The following RBMS3 variants were observed in gnomAD, a reference collection of about 807,000 sequenced individuals.
RBMS3 encodes the protein RNA binding motif single stranded interacting protein 3, also known as RNA-binding motif, single-stranded-interacting protein 3.
Under a neutral mutation model 66.8 loss-of-function variants are expected in RBMS3, and 27 were observed. The observed-to-expected ratio is 0.40, with a 90% CI of 0.30 to 0.56. The LOEUF (loss-of-function observed/expected upper bound fraction) is 0.56, where lower values mean the gene tolerates loss of function less well. Among genes scored for constraint, RBMS3 ranks in the 20% least tolerant of loss-of-function variants. The pLI is 0.40. For missense variants in RBMS3, 513 were observed against 549.5 expected, an observed-to-expected ratio of 0.93 and a Z score of 0.66; for synonymous variants, 188 against 183.0, an observed-to-expected ratio of 1.03 and a Z score of -0.22.
chr3:29,942,439 A>G (rs998662791), intron 11 of RBMS3, among the ~76,000 whole-genome samples: 1 of 151,680 alleles, frequency 6.6e-6, no homozygotes, highest in African/African-American at 2.4e-5. Flanking sequence ...AGGAAGATCA[A>G]CTAAGCCCAG....
chr3:29,300,819 C>T (rs761688929), intron 1 of RBMS3, among the ~76,000 whole-genome samples: 4 of 151,798 alleles, frequency 2.6e-5, no homozygotes, highest in South Asian at 4.2e-4. Flanking sequence ...TAGAAGGAAG[C>T]CATTGCAAGT....
intron 4 of RBMS3, chr3:29,697,135 C>A: frequency 2.0e-6 from 2 of 981,450 alleles, no homozygotes; most frequent in South Asian, 4.7e-5. Flanking sequence ...GTTTTTATTT[C>A]TTATACAGTA....
intron 4 of RBMS3, among the ~76,000 whole-genome samples, chr3:29,701,268 ACT>A (rs766589416): frequency 4.3e-4 from 66 of 151,740 alleles, no homozygotes; most frequent in Non-Finnish European, 8.4e-4. Flanking sequence ...TAAGAGCGAG[ACT>A]CTGTCTCAAA....
intron 1 of RBMS3, among the ~76,000 whole-genome samples, chr3:29,415,817 A>G (rs1490763045): frequency 1.3e-5 from 2 of 152,128 alleles, no homozygotes; most frequent in African/African-American, 2.4e-5. Flanking sequence ...AATTATCAGT[A>G]TACTGTATAT....
At chr3:29,753,988 C>T (rs1260376284) in intron 5 of RBMS3, among the ~76,000 whole-genome samples, 3 of 150,660 alleles carry the variant, frequency 2.0e-5, no homozygotes, top group African/African-American at 7.3e-5. Context: ...GACAGAGTCT[C>T]ATTCTGTCAC....
At chr3:29,420,452 T>C (rs2040665057) in intron 1 of RBMS3, among the ~76,000 whole-genome samples, 1 of 152,208 alleles carries the variant, frequency 6.6e-6, no homozygotes, top group Non-Finnish European at 1.5e-5. Flanking sequence ...GGTGGGATCC[T>C]AGAGCTGGCT....
intron 4 of RBMS3, among the ~76,000 whole-genome samples, chr3:29,735,773 T>C (rs540705726): frequency 1.3e-4 from 20 of 152,316 alleles, no homozygotes; most frequent in African/African-American, 4.1e-4. Context: ...GTGTTGTAAA[T>C]TGGCAATAAC....
intron 1 of RBMS3, among the ~76,000 whole-genome samples, chr3:29,406,002 TA>T (rs1464684331): frequency 6.6e-6 from 1 of 152,232 alleles, no homozygotes; most frequent in African/African-American, 2.4e-5. Context: ...TGTTACATTT[TA>T]AAGAACTAAC....
At chr3:29,935,719 A>G (rs1227732603) in intron 10 of RBMS3, among the ~76,000 whole-genome samples, 1 of 152,152 alleles carries the variant, frequency 6.6e-6, no homozygotes, top group African/African-American at 2.4e-5. Flanking sequence ...AAATAACAAG[A>G]AAATTAGAGA....
chr3:29,317,022 G>A (rs9831935), intron 1 of RBMS3, among the ~76,000 whole-genome samples: 131,102 of 151,702 alleles, frequency 0.86, 56,694 homozygotes, highest in South Asian at 0.93. Context: ...CTTGTGTGCT[G>A]GGTTTAGTTT....
chr3:29,870,431 C>G (rs993599709), intron 7 of RBMS3, among the ~76,000 whole-genome samples: 2 of 152,164 alleles, frequency 1.3e-5, no homozygotes, highest in Admixed American at 6.6e-5. Flanking sequence ...CAATTAGCAA[C>G]TTGGCATTAA....
chr3:29,533,984 T>A (rs1288826704), intron 3 of RBMS3, among the ~76,000 whole-genome samples: 1 of 152,238 alleles, frequency 6.6e-6, no homozygotes, highest in Admixed American at 6.5e-5. Context: ...TGCATGTTCA[T>A]GTCCATTTTG....
chr3:29,300,716 C>A (rs1236690288), intron 1 of RBMS3, among the ~76,000 whole-genome samples: 1 of 151,632 alleles, frequency 6.6e-6, no homozygotes, highest in Admixed American at 6.6e-5. Flanking sequence ...ATTATCACTG[C>A]AAAAATTAAT....
chr3:29,694,198 T>C (rs987755744), intron 4 of RBMS3, among the ~76,000 whole-genome samples: 2 of 152,184 alleles, frequency 1.3e-5, no homozygotes, highest in African/African-American at 4.8e-5. Context: ...GCTACATTAG[T>C]TGCCTCTGCT....
intron 4 of RBMS3, among the ~76,000 whole-genome samples, chr3:29,592,902 G>A (rs1056294847): frequency 2.3e-4 from 35 of 150,454 alleles, no homozygotes; most frequent in Admixed American, 8.0e-4. Context: ...GCAAACTATC[G>A]CAAGGACAAA....
At chr3:29,481,374 G>T (rs2043124194) in intron 2 of RBMS3, among the ~76,000 whole-genome samples, 1 of 152,142 alleles carries the variant, frequency 6.6e-6, no homozygotes, top group South Asian at 2.1e-4. Context: ...GAAGGCAAAT[G>T]GTTCTGGAGA....
intron 4 of RBMS3, among the ~76,000 whole-genome samples, chr3:29,646,858 G>A (rs11719530): frequency 0.12 from 18,184 of 152,100 alleles, 1,169 homozygotes; most frequent in Middle Eastern, 0.21. Context: ...TGGGTAAAGT[G>A]GAGGAGTCTT....
At chr3:29,691,455 T>C (rs1052855250) in intron 4 of RBMS3, among the ~76,000 whole-genome samples, 2 of 152,184 alleles carry the variant, frequency 1.3e-5, no homozygotes, top group Non-Finnish European at 2.9e-5. Context: ...ACACTCTTGG[T>C]ACTTCTCTTT....
At chr3:29,948,446 A>T (rs1312411300) in intron 12 of RBMS3, among the ~76,000 whole-genome samples, 2 of 151,774 alleles carry the variant, frequency 1.3e-5, no homozygotes, top group Non-Finnish European at 2.9e-5. Flanking sequence ...TATCATCCAG[A>T]GGAGGGAAAG....
Sources: allele counts gnomAD v4.1 joint callset (sites outside exome capture counted in the v4.1 genomes callset), GRCh38; gene constraint gnomAD v4.1.1; transcripts MANE v1.5; gene names NCBI Gene and HGNC (gene_info 2026-07-23, HGNC 2026-07-21).